Variants in RAPGEF2 observed in about 807,000 individuals in gnomAD.
The protein encoded by RAPGEF2 is PDZ domain containing guanine nucleotide exchange factor (GEF) 1.
RAPGEF2 carries 54 observed loss-of-function variants against 186.7 expected under a neutral mutation model. The observed-to-expected ratio is 0.29, with a 90% CI of 0.23 to 0.36. The LOEUF (loss-of-function observed/expected upper bound fraction) is 0.36. RAPGEF2 is among the 10% of genes least tolerant of loss of function. The probability of loss-of-function intolerance (pLI) is 1.00; values close to 1 mark genes in which losing one functional copy is unlikely to be tolerated. For missense variants in RAPGEF2, 1,532 were observed against 2,045.0 expected (o/e 0.75, Z 4.84); for synonymous variants, 712 against 705.9 (o/e 1.01, Z -0.14).
chr4:159,115,512 A>G (rs1052085118), intron 1 of RAPGEF2, among the ~76,000 whole-genome samples: 1 of 151,838 alleles, frequency 6.6e-6, no homozygotes, highest in South Asian at 2.1e-4. Flanking sequence ...CCATGTATTC[A>G]TATAGAAACT....
intron 3 of RAPGEF2, among the ~76,000 whole-genome samples, chr4:159,207,030 T>C (rs1431555368): frequency 2.0e-5 from 3 of 152,264 alleles, no homozygotes; most frequent in Non-Finnish European, 2.9e-5. Context: ...GCTTATCATA[T>C]GTGGCCTGGC....
At chr4:159,187,550 A>AAAAAT (rs1455740369) in intron 2 of RAPGEF2, among the ~76,000 whole-genome samples, 5 of 152,180 alleles carry the variant, frequency 3.3e-5, no homozygotes, top group Non-Finnish European at 5.9e-5. Flanking sequence ...TGAATATTTT[A>AAAAAT]TTGCATTAAG....
chr4:159,164,271 T>A (rs184542213), intron 1 of RAPGEF2, among the ~76,000 whole-genome samples: 1,580 of 151,510 alleles, frequency 0.01, 27 homozygotes, highest in African/African-American at 0.036. Flanking sequence ...CCCAAAGTGC[T>A]GGGATTACAG....
At chr4:159,132,159 A>G (rs915554804) in intron 1 of RAPGEF2, among the ~76,000 whole-genome samples, 6 of 152,338 alleles carry the variant, frequency 3.9e-5, no homozygotes, top group African/African-American at 1.4e-4. Flanking sequence ...GAATTGAGAA[A>G]CATTTATTCA....
At chr4:159,189,737 C>A (rs1747921758) in intron 2 of RAPGEF2, among the ~76,000 whole-genome samples, 1 of 152,152 alleles carries the variant, frequency 6.6e-6, no homozygotes, top group African/African-American at 2.4e-5. Flanking sequence ...AGACAAAAAG[C>A]ATTTTGGTAC....
chr4:159,279,029 C>G (rs1759316640), intron 7 of RAPGEF2, among the ~76,000 whole-genome samples: 1 of 152,148 alleles, frequency 6.6e-6, no homozygotes, highest in Non-Finnish European at 1.5e-5. Flanking sequence ...CCCTACGGTT[C>G]CATACTCAGC....
intron 17 of RAPGEF2, among the ~76,000 whole-genome samples, chr4:159,335,835 CAAAAAAAAAAAAAA>C (rs778302629): frequency 6.2e-5 from 3 of 48,156 alleles, no homozygotes; most frequent in Non-Finnish European, 1.2e-4. Flanking sequence ...GACTCCGTCT[CAAAAAAAAAAAAAA>C]AAAAAAAAAA....
intron 5 of RAPGEF2, among the ~76,000 whole-genome samples, chr4:159,240,331 C>CTTT (rs370477370): frequency 0.022 from 1,708 of 77,550 alleles, 88 homozygotes; most frequent in Non-Finnish European, 0.032. Context: ...AGCATTTCTA[C>CTTT]TTTTTTTTTT....
intron 1 of RAPGEF2, among the ~76,000 whole-genome samples, chr4:159,174,949 G>C (rs1218664602): frequency 1.3e-5 from 2 of 152,044 alleles, no homozygotes; most frequent in Non-Finnish European, 2.9e-5. Flanking sequence ...TCTCTATAGA[G>C]ATGGGTCTCA....
chr4:159,293,806 T>C (rs1045672169), intron 7 of RAPGEF2, among the ~76,000 whole-genome samples: 5 of 152,232 alleles, frequency 3.3e-5, no homozygotes, highest in African/African-American at 9.6e-5. Flanking sequence ...GGCTCAGTTG[T>C]GTTTAACCTT....
intron 4 of RAPGEF2, among the ~76,000 whole-genome samples, chr4:159,230,060 G>A (rs187197148): frequency 2.6e-5 from 4 of 152,244 alleles, no homozygotes; most frequent in African/African-American, 4.8e-5. Flanking sequence ...GGTGTACAGC[G>A]TATTTATACA....
intron 1 of RAPGEF2, among the ~76,000 whole-genome samples, chr4:159,128,511 G>T (rs962303774): frequency 3.3e-5 from 5 of 151,960 alleles, no homozygotes; most frequent in African/African-American, 7.2e-5. Flanking sequence ...AAAGATAATA[G>T]GCTAAGATCT....
At chr4:159,112,581 C>T (rs894248556) in intron 1 of RAPGEF2, among the ~76,000 whole-genome samples, 3 of 151,762 alleles carry the variant, frequency 2.0e-5, no homozygotes, top group African/African-American at 7.3e-5. Context: ...ATCCATGAGC[C>T]CATACTGATA....
At chr4:159,240,331 C>CTTTTTTT (rs370477370) in intron 5 of RAPGEF2, among the ~76,000 whole-genome samples, 2,697 of 77,444 alleles carry the variant, frequency 0.035, 175 homozygotes, top group African/African-American at 0.082. Flanking sequence ...AGCATTTCTA[C>CTTTTTTT]TTTTTTTTTT....
intron 7 of RAPGEF2, among the ~76,000 whole-genome samples, chr4:159,300,179 T>C (rs1762482926): frequency 6.6e-6 from 1 of 150,614 alleles, no homozygotes; most frequent in Admixed American, 6.6e-5. Flanking sequence ...TATTACTTTA[T>C]ATATGCATAA....
intron 7 of RAPGEF2, among the ~76,000 whole-genome samples, chr4:159,289,627 T>C (rs889844636): frequency 3.3e-5 from 5 of 152,112 alleles, no homozygotes; most frequent in African/African-American, 1.2e-4. Context: ...TTAGGTACTA[T>C]ATGAGAAGCT....
chr4:159,154,619 A>G (rs1403371328), intron 1 of RAPGEF2, among the ~76,000 whole-genome samples: 2 of 151,760 alleles, frequency 1.3e-5, no homozygotes, highest in African/African-American at 2.4e-5. Context: ...ATGTTTAGCT[A>G]TGTTATTGTG....
intron 1 of RAPGEF2, among the ~76,000 whole-genome samples, chr4:159,152,013 G>A (rs1369824247): frequency 6.6e-6 from 1 of 152,106 alleles, no homozygotes; most frequent in Non-Finnish European, 1.5e-5. Context: ...TAGAAAGTAA[G>A]GTTTTGTACT....
chr4:159,117,574 G>A (rs34520538), intron 1 of RAPGEF2, among the ~76,000 whole-genome samples: 1 of 151,214 alleles, frequency 6.6e-6, no homozygotes, highest in South Asian at 2.1e-4. Context: ...TATATTCTGC[G>A]ATGGTTGGGT....
Sources: allele counts gnomAD v4.1 joint callset (sites outside exome capture counted in the v4.1 genomes callset), GRCh38; gene constraint gnomAD v4.1.1; transcripts MANE v1.5; gene names NCBI Gene and HGNC (gene_info 2026-07-23, HGNC 2026-07-21).